Variants in UPK3A observed in about 807,000 individuals in gnomAD.
The protein encoded by UPK3A is uroplakin 3A.
UPK3A carries 32 observed loss-of-function variants against 27.6 expected under a neutral mutation model. That is an observed-to-expected ratio of 1.16 (90% CI 0.87 to 1.55). UPK3A has a LOEUF of 1.55. Among genes scored for constraint, UPK3A ranks in the 40% most tolerant of loss-of-function variants. The probability of loss-of-function intolerance (pLI) is 0.00; values close to 1 mark genes in which losing one functional copy is unlikely to be tolerated. For missense variants in UPK3A, 370 were observed against 367.9 expected (o/e 1.01, Z -0.05); for synonymous variants, 171 against 163.9 (o/e 1.04, Z -0.33).
At chr22:45,285,179 T>C in intron 1 of UPK3A, 114 bp downstream of exon 1, 1 of 1,018,728 alleles carries the variant, frequency 9.8e-7, no homozygotes, top group Non-Finnish European at 1.4e-6. Flanking sequence ...ATATTACTGT[T>C]ATGAATAATA....
intron 3 of UPK3A, 126 bp from the exon 4 acceptor site, chr22:45,288,923 GCCGTCTACATTT>G (rs2084138899): frequency 1.3e-6 from 1 of 795,212 alleles, no homozygotes; most frequent in African/African-American, 1.7e-5. Context: ...CCGCTCAGTA[GCCGTCTACATTT>G]CCGTCTCCTG....
intron 5 of UPK3A, among the ~76,000 whole-genome samples, chr22:45,294,415 C>G (rs548860264): frequency 1.3e-5 from 2 of 151,316 alleles, no homozygotes; most frequent in South Asian, 2.1e-4. Context: ...CCTGGTACAC[C>G]CCCCCCGGGA....
At chr22:45,290,887 C>T (rs938729128) in intron 4 of UPK3A, among the ~76,000 whole-genome samples, 3 of 152,148 alleles carry the variant, frequency 2.0e-5, no homozygotes, top group Non-Finnish European at 2.9e-5. Flanking sequence ...ATGCTCCTCA[C>T]GAGAATCTCA....
Position 45,295,702 on chromosome 22 carries a change from A to T in UPK3A, c.847A>T (p.Ser283Cys). 1 of 1,613,950 alleles carries T rather than the reference A, an allele frequency of 6.2e-7. No homozygotes were observed. The highest frequency in any genetic ancestry group is 8.5e-7 in the Non-Finnish European group (1 of 1,180,020). Residue 283 changes from serine (S) to cysteine (C), a missense_variant, in exon 6 of 6, where the codon AGC becomes TGC. Coordinates refer to ENST00000216211, the MANE Select transcript of UPK3A (RefSeq NM_006953.4). Reference protein sequence around the residue: ...PPLDRAEVYSSKLQD With the variant: ...PPLDRAEVYSCKLQD ...ACTGGACAGGGCTGAGGTGTATTCCAGCAAGCTCCAAGACTGAGCCCAGCA... is the reference window on the plus strand; with the variant it reads ...ACTGGACAGGGCTGAGGTGTATTCCTGCAAGCTCCAAGACTGAGCCCAGCA...
intron 4 of UPK3A, among the ~76,000 whole-genome samples, chr22:45,292,518 G>A (rs995002390): frequency 1.3e-5 from 2 of 152,208 alleles, no homozygotes; most frequent in Non-Finnish European, 2.9e-5. Flanking sequence ...ACCTGGCCCC[G>A]TCAGACCAGG....
chr22:45,287,734 C>T (rs2084129402), intron 3 of UPK3A, among the ~76,000 whole-genome samples: 1 of 152,186 alleles, frequency 6.6e-6, no homozygotes, highest in Non-Finnish European at 1.5e-5. Context: ...ACAATCTCAG[C>T]TCACTGCAAC....
intron 4 of UPK3A, among the ~76,000 whole-genome samples, chr22:45,292,094 C>T (rs983431857): frequency 6.6e-6 from 1 of 152,204 alleles, no homozygotes; most frequent in Non-Finnish European, 1.5e-5. Flanking sequence ...ACTAAGAGTC[C>T]TGAGCCCAAG....
intron 3 of UPK3A, 30 bp from the exon 4 acceptor site, chr22:45,289,031 A>G (rs2084140035): frequency 1.2e-6 from 2 of 1,611,464 alleles, no homozygotes; most frequent in Non-Finnish European, 1.7e-6. Flanking sequence ...CAGGAAGCAT[A>G]AAAGTCACCC....
rs2084191878 is a variant in UPK3A at position 45,295,832 on chromosome 22, C to G, written c.*113C>G. ...GAAGGTGAAACAGGGCTTGTCCCTC[C>G]AACTGCAGGAAAACCCTTAATAAAA... On this transcript the variant is annotated 3_prime_UTR_variant, in exon 6 of 6. Transcript: ENST00000216211. 1 of 1,271,644 alleles carries G rather than the reference C, an allele frequency of 7.9e-7. No individual in the cohort carries two copies. The highest frequency in any genetic ancestry group is 1.1e-6 in the Non-Finnish European group (1 of 896,838). The allele number at this position is 1,271,644 out of a possible 1,614,324, so 78.8% of individuals were successfully genotyped here.
At chr22:45,285,801 G>A in intron 1 of UPK3A, 140 bp from the exon 2 acceptor site, 1 of 1,235,938 alleles carries the variant, frequency 8.1e-7, no homozygotes. Flanking sequence ...AGGGGGCAGT[G>A]TCTGAGACAG....
chr22:45,291,699 G>C (rs1435071991), intron 4 of UPK3A, among the ~76,000 whole-genome samples: 3 of 150,744 alleles, frequency 2.0e-5, no homozygotes, highest in Non-Finnish European at 4.4e-5. Flanking sequence ...TCTGGTGTGT[G>C]AGAGTGGCAG....
At chr22:45,289,026 A>G (rs758963848) in intron 3 of UPK3A, 35 bp from the exon 4 acceptor site, 1 of 1,608,850 alleles carries the variant, frequency 6.2e-7, no homozygotes, top group African/African-American at 1.3e-5. Context: ...GCTCACAGGA[A>G]GCATAAAAGT....
chr22:45,286,107 T>A lies in UPK3A; in HGVS notation c.208+11T>A. ...TCCTGGTCGACTCAGGTAAGGGTCC[T>A]GCTTCCCTCTGGCTACTCCAAAAGG... On this transcript the variant is annotated intron_variant, in intron 2 of 5. Coordinates refer to ENST00000216211, the MANE Select transcript of UPK3A (RefSeq NM_006953.4). The A allele has an allele frequency of 6.2e-7, 1 of 1,613,980 alleles. No individual in the cohort carries two copies. The highest frequency in any genetic ancestry group is 8.5e-7 in the Non-Finnish European group (1 of 1,179,930).
intron 4 of UPK3A, among the ~76,000 whole-genome samples, chr22:45,290,163 C>T (rs3788642): frequency 0.17 from 25,556 of 152,122 alleles, 2,244 homozygotes; most frequent in East Asian, 0.23. Context: ...CAGCAGAGAC[C>T]CAAAGTTCAT....
chr22:45,286,930 G>A (rs541094755), intron 2 of UPK3A, among the ~76,000 whole-genome samples: 2 of 152,268 alleles, frequency 1.3e-5, no homozygotes, highest in East Asian at 3.9e-4. Flanking sequence ...TGGGATGGGG[G>A]GTTGCAGGAA....
At chr22:45,291,310 G>A in intron 4 of UPK3A, among the ~76,000 whole-genome samples, 1 of 150,086 alleles carries the variant, frequency 6.7e-6, no homozygotes, top group East Asian at 2.0e-4. Flanking sequence ...GTGTGTGAAT[G>A]AGGGTGTGTG....
At position 45,284,991 on chromosome 22, in the gene UPK3A, G is replaced by C; in HGVS notation, c.-23G>C. The C allele has an allele frequency of 3.9e-6, 6 of 1,529,292 alleles. No individual in the cohort carries two copies. The highest frequency in any genetic ancestry group is 5.2e-6 in the Non-Finnish European group (6 of 1,144,472). The allele number at this position is 1,529,292 out of a possible 1,614,324, so 94.7% of individuals were successfully genotyped here. A position where few individuals can be genotyped will look rare whatever the true frequency, so the allele number is the denominator to read the frequency against. On this transcript the variant is annotated 5_prime_UTR_variant, in exon 1 of 6. Coordinates refer to ENST00000216211, the MANE Select transcript of UPK3A (RefSeq NM_006953.4). ...CTGCTCGCTGGACCGCCCGCCCCGC[G>C]CTCTGGCGGCTCCTCCCGGGCGATG...
chr22:45,287,629 G>A (rs1048750376), intron 3 of UPK3A, among the ~76,000 whole-genome samples, 178 bp downstream of exon 3: 1 of 152,132 alleles, frequency 6.6e-6, no homozygotes, highest in African/African-American at 2.4e-5. Context: ...TTGGATTGAC[G>A]CTCTGCAACT....
chr22:45,286,197 C>A lies in UPK3A; in HGVS notation c.208+101C>A. ...TAGAGGAACCCTCCATGCCTGTAGTCGTCTCATTAAACAGGTACTGCAGCC... is the reference window on the plus strand; with the variant it reads ...TAGAGGAACCCTCCATGCCTGTAGTAGTCTCATTAAACAGGTACTGCAGCC... On this transcript the variant is annotated intron_variant, in intron 2 of 5. Coordinates refer to ENST00000216211, the MANE Select transcript of UPK3A (RefSeq NM_006953.4). 2.0e-6 allele frequency: 3 copies of A among 1,484,160 alleles called. 1 individual carries two copies. In the South Asian group the frequency reaches 3.5e-5, roughly 18 times the overall value. The allele number at this position is 1,484,160 out of a possible 1,614,324, so 91.9% of individuals were successfully genotyped here.
Sources: allele counts gnomAD v4.1 joint callset (sites outside exome capture counted in the v4.1 genomes callset), GRCh38; gene constraint gnomAD v4.1.1; transcripts MANE v1.5; gene names NCBI Gene and HGNC (gene_info 2026-07-23, HGNC 2026-07-21).